Variants in SMOC2 observed in about 807,000 individuals in gnomAD.
SMOC2 encodes the protein SPARC-related modular calcium-binding protein 2.
SMOC2 carries 39 observed loss-of-function variants against 61.4 expected under a neutral mutation model. The observed-to-expected ratio is 0.64, with a 90% confidence interval of 0.49 to 0.83. SMOC2 has a LOEUF of 0.83. SMOC2 is among the 40% of genes least tolerant of loss of function. The pLI is 0.00. For synonymous variants in SMOC2, 247 were observed against 239.9 expected (o/e 1.03, Z -0.27); for missense variants, 556 against 592.9 (o/e 0.94, Z 0.65).
At chr6:168,595,603 A>T (rs1358405178) in intron 7 of SMOC2, among the ~76,000 whole-genome samples, 11 of 152,220 alleles carry the variant, frequency 7.2e-5, no homozygotes, top group Admixed American at 2.6e-4. Flanking sequence ...TGTGGCCCTT[A>T]CTAAAAGAAA....
At chr6:168,484,644 A>G (rs1583048899) in intron 1 of SMOC2, among the ~76,000 whole-genome samples, 1 of 152,376 alleles carries the variant, frequency 6.6e-6, no homozygotes, top group East Asian at 1.9e-4. Context: ...TTGTATACTC[A>G]TTTTTATAGC....
At position 168,526,411 on chromosome 6, in the gene SMOC2, G is replaced by A; in HGVS notation, c.322G>A (p.Val108Met). 1 of 1,614,240 alleles carries A rather than the reference G, an allele frequency of 6.2e-7. No individual in the cohort carries two copies. ...GCAAGCCCGGAAGGAGTTTCAGCAA[G>A]TGTTCATTCCTGAGTGCAATGACGA... is the stretch of plus-strand genomic sequence containing the variant. ...QEQARKEFQQ[V>M]FIPECNDDGT... The change falls in exon 3 of 13, where the codon GTG (valine) becomes ATG (methionine). Residue 108 changes from valine (V) to methionine (M), a missense_variant. Physicochemically the swap from Val to Met is conservative, Grantham distance 21. Transcript: ENST00000356284.
chr6:168,468,014 G>C (rs186531795), intron 1 of SMOC2, among the ~76,000 whole-genome samples: 2 of 152,184 alleles, frequency 1.3e-5, no homozygotes. Flanking sequence ...AAAGTACCAA[G>C]TGTTGTTTTG....
At chr6:168,565,059 A>G (rs1051026989) in intron 7 of SMOC2, among the ~76,000 whole-genome samples, 1 of 152,248 alleles carries the variant, frequency 6.6e-6, no homozygotes, top group African/African-American at 2.4e-5. Flanking sequence ...GAATGTTTGT[A>G]TACCGAAAAT....
intron 7 of SMOC2, among the ~76,000 whole-genome samples, chr6:168,556,423 C>T (rs1226243416): frequency 2.0e-5 from 3 of 152,186 alleles, no homozygotes; most frequent in African/African-American, 7.2e-5. Flanking sequence ...CACCTCCCCA[C>T]GCGGGAAGCT....
intron 8 of SMOC2, among the ~76,000 whole-genome samples, chr6:168,599,703 CCCACAG>C (rs1785482398): frequency 6.8e-6 from 1 of 146,022 alleles, no homozygotes; most frequent in Non-Finnish European, 1.5e-5. Flanking sequence ...CACACACACA[CCCACAG>C]TCACACACAA....
chr6:168,540,244 G>T (rs941165059), intron 4 of SMOC2, among the ~76,000 whole-genome samples: 1 of 152,244 alleles, frequency 6.6e-6, no homozygotes, highest in Non-Finnish European at 1.5e-5. Context: ...GGTGATGGCG[G>T]CGAGGGCCTG....
intron 9 of SMOC2, among the ~76,000 whole-genome samples, chr6:168,617,584 T>C (rs1259861393): frequency 6.6e-6 from 1 of 152,196 alleles, no homozygotes; most frequent in African/African-American, 2.4e-5. Context: ...GGACAAGTCC[T>C]GTCTCTGCTC....
At chr6:168,442,599 C>T (rs73791023) in intron 1 of SMOC2, among the ~76,000 whole-genome samples, 7,423 of 152,256 alleles carry the variant, frequency 0.049, 618 homozygotes, top group African/African-American at 0.17. Context: ...TTTAAGTGGC[C>T]GGGGACTTGT....
chr6:168,513,952 A>G (rs953207248), intron 2 of SMOC2, among the ~76,000 whole-genome samples: 4 of 152,166 alleles, frequency 2.6e-5, no homozygotes, highest in Admixed American at 6.5e-5. Flanking sequence ...AGACTCTCCT[A>G]TGAGGTGGAT....
chr6:168,510,891 T>TAGGCCTGAGAGTTCTTC (rs1402605239), intron 2 of SMOC2, among the ~76,000 whole-genome samples: 1 of 152,224 alleles, frequency 6.6e-6, no homozygotes, highest in African/African-American at 2.4e-5. Flanking sequence ...CCTTGTTCTT[T>TAGGCCTGAGAGTTCTTC]AGGCCTGAGA....
intron 11 of SMOC2, among the ~76,000 whole-genome samples, chr6:168,657,884 C>T (rs1232861539): frequency 6.6e-6 from 1 of 152,158 alleles, no homozygotes; most frequent in African/African-American, 2.4e-5. Context: ...TGATGCAGAC[C>T]TCTTAAACCT....
At chr6:168,488,954 T>C (rs1176810195) in intron 1 of SMOC2, among the ~76,000 whole-genome samples, 2 of 148,520 alleles carry the variant, frequency 1.3e-5, no homozygotes, top group African/African-American at 2.5e-5. Context: ...TCACACTGTT[T>C]TAGAGTGAAA....
At chr6:168,568,550 A>G (rs924850343) in intron 7 of SMOC2, among the ~76,000 whole-genome samples, 1 of 152,204 alleles carries the variant, frequency 6.6e-6, no homozygotes, top group African/African-American at 2.4e-5. Flanking sequence ...GTATAATGAC[A>G]GGTACCCCCC....
intron 9 of SMOC2, 96 bp downstream of exon 9, chr6:168,608,335 C>T (rs1469997337): frequency 2.2e-5 from 30 of 1,350,304 alleles, no homozygotes; most frequent in Non-Finnish European, 3.0e-5. Context: ...GACTCTGTTT[C>T]CCAGGGGGCC....
At chr6:168,498,849 C>T (rs1583059107) in intron 1 of SMOC2, among the ~76,000 whole-genome samples, 5 of 135,918 alleles carry the variant, frequency 3.7e-5, no homozygotes, top group African/African-American at 1.0e-4. Context: ...CACATGGAAA[C>T]CCTGGGTCCT....
intron 7 of SMOC2, among the ~76,000 whole-genome samples, chr6:168,577,521 G>A (rs9456212): frequency 0.47 from 71,373 of 152,006 alleles, 17,514 homozygotes; most frequent in African/African-American, 0.62. Flanking sequence ...GGAAAATAGC[G>A]GAATCTCTCC....
chr6:168,538,428 G>A (rs1163701218), intron 4 of SMOC2, among the ~76,000 whole-genome samples: 1 of 114,312 alleles, frequency 8.7e-6, no homozygotes. Context: ...GGTGACCGCT[G>A]CTGGAATGTG....
chr6:168,509,035 T>G (rs1348374692), intron 1 of SMOC2, among the ~76,000 whole-genome samples: 1 of 150,834 alleles, frequency 6.6e-6, no homozygotes, highest in African/African-American at 2.5e-5. Flanking sequence ...TCTGGCCTGA[T>G]GGAGGCCTGG....
Sources: allele counts gnomAD v4.1 joint callset (sites outside exome capture counted in the v4.1 genomes callset), GRCh38; gene constraint gnomAD v4.1.1; transcripts MANE v1.5; gene names NCBI Gene and HGNC (gene_info 2026-07-23, HGNC 2026-07-21).